Variants in PRLR observed in about 807,000 individuals in gnomAD.
The protein encoded by PRLR is prolactin receptor, also known as hPRL receptor.
In PRLR, 13 loss-of-function variants were observed where a neutral mutation model predicts 40.2. The ratio of observed to expected loss-of-function variants is 0.32; its 90% confidence interval spans 0.21 to 0.51. The LOEUF (loss-of-function observed/expected upper bound fraction) is 0.51. Ranked by LOEUF, PRLR falls within the 20% of genes least tolerant of loss-of-function variation. The pLI, the probability that PRLR is intolerant of heterozygous loss-of-function variation, is 0.97. For synonymous variants in PRLR, 269 were observed against 278.7 expected, an observed-to-expected ratio of 0.97 and a Z score of 0.35; for missense variants, 656 against 747.3, an observed-to-expected ratio of 0.88 and a Z score of 1.42.
In PRLR at chr5:35,075,267, T is replaced by A. The variant is rs1047303490; in HGVS notation, c.374-2523A>T. On this transcript the variant is annotated intron_variant, in intron 5 of 9. Transcript: ENST00000618457. ...TGTCTCACCCGGGAAGTGCAAGGGG[T>A]CAGGGAATTCCCTTTACTAGCCAAG... Among the ~76,000 whole-genome samples the A allele has an allele frequency of 2.6e-5, 4 of 151,980 alleles. 1 individual carries two copies. Among genetic ancestry groups the A allele is most frequent in the Admixed American group, 2.6e-4 (4 of 15,254 alleles).
intron 1 of PRLR, among the ~76,000 whole-genome samples, chr5:35,196,126 A>T (rs1334430567): frequency 6.6e-6 from 1 of 150,482 alleles, no homozygotes; most frequent in Non-Finnish European, 1.5e-5. Context: ...AAATATTGGC[A>T]ATGATAAAGG....
intron 2 of PRLR, among the ~76,000 whole-genome samples, chr5:35,112,946 C>T (rs966380800): frequency 6.6e-6 from 1 of 152,088 alleles, no homozygotes; most frequent in African/African-American, 2.4e-5. Flanking sequence ...GGGAGTGGGG[C>T]AATTCATACT....
intron 2 of PRLR, among the ~76,000 whole-genome samples, chr5:35,097,929 G>A (rs936671587): frequency 1.6e-4 from 24 of 152,172 alleles, no homozygotes; most frequent in African/African-American, 5.5e-4. Flanking sequence ...AGGAAAGGAA[G>A]ATGCAGTGGA....
At chr5:35,199,899 T>A (rs1243773658) in intron 1 of PRLR, among the ~76,000 whole-genome samples, 1 of 152,220 alleles carries the variant, frequency 6.6e-6, no homozygotes, top group Non-Finnish European at 1.5e-5. Context: ...GAAAAAATGC[T>A]CTGATAAACT....
chr5:35,107,224 G>T lies in PRLR; in HGVS notation c.-44+10837C>A, dbSNP rs1013501873. 3.3e-4 allele frequency among the ~76,000 whole-genome samples: 50 copies of T among 152,302 alleles called. No homozygotes were observed. The South Asian group carries it at 6.6e-3, about 20-fold the overall frequency. ...CCAGAATCTCTGGGACACATTTAAA[G>T]CAGTGTGTAGAGGGAAATTTATAGC... On this transcript the variant is annotated intron_variant, in intron 2 of 9. Coordinates refer to ENST00000618457, the MANE Select transcript of PRLR (RefSeq NM_000949.7).
intron 1 of PRLR, among the ~76,000 whole-genome samples, chr5:35,137,965 T>C (rs181276209): frequency 6.6e-6 from 1 of 152,332 alleles, no homozygotes; most frequent in East Asian, 1.9e-4. Flanking sequence ...AATATTAAAA[T>C]GTTTAATTTC....
At chr5:35,068,708 T>G in intron 8 of PRLR, 71 bp downstream of exon 8, 1 of 1,188,798 alleles carries the variant, frequency 8.4e-7, no homozygotes, top group Non-Finnish European at 1.2e-6. Context: ...TCCATCATCT[T>G]TGTATTTTTT....
intron 4 of PRLR, among the ~76,000 whole-genome samples, chr5:35,085,137 C>A (rs901612211): frequency 6.6e-6 from 1 of 152,112 alleles, no homozygotes; most frequent in Non-Finnish European, 1.5e-5. Context: ...CAGACTGCAC[C>A]AAGTCAGCAA....
intron 1 of PRLR, among the ~76,000 whole-genome samples, chr5:35,134,378 G>C (rs1260823220): frequency 6.7e-6 from 1 of 149,516 alleles, no homozygotes; most frequent in East Asian, 2.0e-4. Context: ...TTGCTTTCTG[G>C]TCACTCTGGT....
chr5:35,211,046 A>G (rs891307801), intron 1 of PRLR, among the ~76,000 whole-genome samples: 9 of 152,204 alleles, frequency 5.9e-5, no homozygotes, highest in African/African-American at 1.9e-4. Context: ...TTACTGCAGG[A>G]TAATTTCTAT....
intron 1 of PRLR, among the ~76,000 whole-genome samples, chr5:35,182,557 C>A (rs1348022249): frequency 6.6e-6 from 1 of 152,202 alleles, no homozygotes; most frequent in Non-Finnish European, 1.5e-5. Flanking sequence ...GATCATTTAG[C>A]ACTGGGATGG....
At chr5:35,155,166 A>C (rs1466813075) in intron 1 of PRLR, among the ~76,000 whole-genome samples, 1 of 152,214 alleles carries the variant, frequency 6.6e-6, no homozygotes, top group Non-Finnish European at 1.5e-5. Context: ...GAAGATAAAA[A>C]ATATTAAATC....
chr5:35,106,807 G>C (rs1466478662), intron 2 of PRLR, among the ~76,000 whole-genome samples: 10 of 152,120 alleles, frequency 6.6e-5, no homozygotes, highest in Admixed American at 6.5e-4. Flanking sequence ...GTCAACATTA[G>C]ACAGATCGAT....
intron 1 of PRLR, among the ~76,000 whole-genome samples, chr5:35,165,479 T>C (rs1774796804): frequency 6.6e-6 from 1 of 152,262 alleles, no homozygotes; most frequent in African/African-American, 2.4e-5. Context: ...AAAGGTTCTT[T>C]AGGTGTTCTC....
At chr5:35,222,215 C>A (rs1357659495) in intron 1 of PRLR, among the ~76,000 whole-genome samples, 2 of 151,942 alleles carry the variant, frequency 1.3e-5, no homozygotes, top group Non-Finnish European at 2.9e-5. Flanking sequence ...AGGCAGGAGA[C>A]TAGCTTGAAC....
At chr5:35,149,104 T>C (rs1774270302) in intron 1 of PRLR, among the ~76,000 whole-genome samples, 1 of 152,158 alleles carries the variant, frequency 6.6e-6, no homozygotes. Flanking sequence ...ATAAAGTTCA[T>C]AATCTTTATC....
intron 2 of PRLR, among the ~76,000 whole-genome samples, chr5:35,103,531 T>C (rs957873308): frequency 6.6e-6 from 1 of 152,226 alleles, no homozygotes; most frequent in African/African-American, 2.4e-5. Flanking sequence ...ATATAATCAA[T>C]GATGTGTCTT....
At chr5:35,142,080 C>T (rs866023306) in intron 1 of PRLR, among the ~76,000 whole-genome samples, 1 of 152,188 alleles carries the variant, frequency 6.6e-6, no homozygotes, top group East Asian at 1.9e-4. Context: ...TGTTTAAGTA[C>T]AAGTGACTTT....
chr5:35,168,013 T>C (rs1477850782), intron 1 of PRLR, among the ~76,000 whole-genome samples: 1 of 151,856 alleles, frequency 6.6e-6, no homozygotes, highest in African/African-American at 2.4e-5. Flanking sequence ...AAAATAAAGA[T>C]ATGGGAAAAA....
Sources: allele counts gnomAD v4.1 joint callset (sites outside exome capture counted in the v4.1 genomes callset), GRCh38; gene constraint gnomAD v4.1.1; transcripts MANE v1.5; gene names NCBI Gene and HGNC (gene_info 2026-07-23, HGNC 2026-07-21).